PCDHGA5: variants seen among roughly 807,000 people sequenced by gnomAD.
The protein encoded by PCDHGA5 is protocadherin gamma-A5.
Under a neutral mutation model 56.7 loss-of-function variants are expected in PCDHGA5, and 36 were observed. The ratio of observed to expected loss-of-function variants is 0.64; its 90% CI spans 0.49 to 0.84. The LOEUF is 0.84. Among genes scored for constraint, PCDHGA5 ranks in the 40% least tolerant of loss-of-function variants. The pLI, the probability that PCDHGA5 is intolerant of heterozygous loss-of-function variation, is 0.00. For missense variants in PCDHGA5, 1,305 were observed against 1,201.5 expected (o/e 1.09, Z -1.27); for synonymous variants, 563 against 520.2 (o/e 1.08, Z -1.12).
At chr5:141,414,930 C>A (rs561548499) in intron 1 of PCDHGA5, 1 of 1,614,156 alleles carries the variant, frequency 6.2e-7, no homozygotes, top group South Asian at 1.1e-5. Flanking sequence ...CGCCCCGCTC[C>A]GCAGAGCCCG....
intron 1 of PCDHGA5, chr5:141,419,136 A>G: frequency 1.9e-6 from 3 of 1,613,918 alleles, no homozygotes; most frequent in Non-Finnish European, 1.7e-6. Context: ...GCAGCCACAG[A>G]CAGGGGCAAG....
chr5:141,372,494 A>C, intron 1 of PCDHGA5: 2 of 1,613,974 alleles, frequency 1.2e-6, no homozygotes, highest in Middle Eastern at 1.6e-4. Context: ...CCTTGATCTC[A>C]GTGCTCTTCC....
intron 1 of PCDHGA5, chr5:141,371,248 G>A (rs1561550190): frequency 6.2e-7 from 1 of 1,614,024 alleles, no homozygotes; most frequent in Admixed American, 1.7e-5. Context: ...ATCAATATTG[G>A]CAAGGAAGTG....
At chr5:141,478,519 G>A in intron 1 of PCDHGA5, 2 of 1,610,728 alleles carry the variant, frequency 1.2e-6, no homozygotes, top group Non-Finnish European at 1.7e-6. Context: ...GGCAGGTGTT[G>A]GGTGCAGAGA....
At chr5:141,452,016 A>G (rs988436326) in intron 1 of PCDHGA5, among the ~76,000 whole-genome samples, 5 of 152,084 alleles carry the variant, frequency 3.3e-5, no homozygotes, top group Non-Finnish European at 5.9e-5. Flanking sequence ...TCCAGCCCAC[A>G]CTCTGGGGAG....
Position 141,431,473 on chromosome 5 carries a change from C to G in PCDHGA5, c.2422-63334C>G, listed in dbSNP as rs750300971. ...TGATGGTTCTGGATGCGAACGACAA[C>G]GCACCAGCGTTTGCTCAGCCCGAGT... On this transcript the variant is annotated intron_variant, in intron 1 of 3. Coordinates refer to ENST00000518069, the MANE Select transcript of PCDHGA5 (RefSeq NM_018918.3). This position sits in a 1 kb window ranked among gnomAD's most constrained non-coding sequence, Gnocchi z 4.8. 5.0e-6 allele frequency: 8 copies of G among 1,613,832 alleles called. No homozygotes were observed. The highest frequency in any genetic ancestry group is 1.7e-5 in the Admixed American group (1 of 60,026).
intron 1 of PCDHGA5, chr5:141,370,629 C>G: frequency 6.2e-7 from 1 of 1,613,860 alleles, no homozygotes; most frequent in Non-Finnish European, 8.5e-7. Flanking sequence ...TACCGTGAGC[C>G]CCGAAAATGG....
intron 1 of PCDHGA5, chr5:141,423,468 A>G (rs1474468597): frequency 6.2e-7 from 1 of 1,613,960 alleles, no homozygotes; most frequent in Admixed American, 1.7e-5. Flanking sequence ...TGGACGGGGT[A>G]CAGGCTTTCC....
chr5:141,475,388 G>C (rs1230010845), intron 1 of PCDHGA5, among the ~76,000 whole-genome samples: 8 of 152,170 alleles, frequency 5.3e-5, no homozygotes, highest in Non-Finnish European at 1.0e-4. Flanking sequence ...AATTTTATAA[G>C]CCAGAGTTAA....
At chr5:141,408,271 T>A in intron 1 of PCDHGA5, 23 of 1,610,976 alleles carry the variant, frequency 1.4e-5, no homozygotes, top group Non-Finnish European at 1.9e-5. Context: ...TGCTGCTGCC[T>A]TTGTTCTACC....
intron 1 of PCDHGA5, chr5:141,417,635 G>C (rs1195744332): frequency 1.4e-6 from 1 of 724,902 alleles, no homozygotes; most frequent in Non-Finnish European, 2.1e-6. Flanking sequence ...CTGACGCCGG[G>C]GATCCCTCAG....
chr5:141,373,678 A>G (rs4151698), intron 1 of PCDHGA5, among the ~76,000 whole-genome samples: 17,665 of 152,222 alleles, frequency 0.12, 1,184 homozygotes, highest in African/African-American at 0.18. Flanking sequence ...TGAATGGTAA[A>G]CTTCAGAGAA....
intron 1 of PCDHGA5, chr5:141,408,159 C>T (rs1408291996): frequency 3.9e-5 from 59 of 1,516,228 alleles, no homozygotes; most frequent in Non-Finnish European, 5.2e-5. Context: ...AGTGCACTTT[C>T]TCCAACTGGA....
At chr5:141,389,813 C>T (rs575968401) in intron 1 of PCDHGA5, 18 of 1,613,844 alleles carry the variant, frequency 1.1e-5, no homozygotes, top group South Asian at 2.2e-5. Flanking sequence ...TTCTGGTCGC[C>T]GTGCGTGACG....
chr5:141,420,840 TC>T (rs1453160032), intron 1 of PCDHGA5, among the ~76,000 whole-genome samples: 1 of 152,250 alleles, frequency 6.6e-6, no homozygotes, highest in Admixed American at 6.5e-5. Flanking sequence ...TCGCAGGTGT[TC>T]TTGGTAAAGT....
Position 141,408,609 on chromosome 5 carries a change from A to T in PCDHGA5, c.2421+41858A>T, listed in dbSNP as rs765291231. 3 of 1,613,970 alleles carry T rather than the reference A, an allele frequency of 1.9e-6. No homozygotes were observed. The highest frequency in any genetic ancestry group is 2.5e-6 in the Non-Finnish European group (3 of 1,179,916). On this transcript the variant is annotated intron_variant, in intron 1 of 3. Coordinates refer to ENST00000518069, the MANE Select transcript of PCDHGA5 (RefSeq NM_018918.3). ...GACCACGCCCCTCAATTTGATAAAA[A>T]GGAAATACATTTAGAAATTTTCGAA...
At chr5:141,415,740 G>GTTTTTTTTTTTTTTTTTTGTTTTTTTTT in intron 1 of PCDHGA5, 1 of 617,992 alleles carries the variant, frequency 1.6e-6, no homozygotes, top group Non-Finnish European at 2.1e-6. Flanking sequence ...GTTTATTAAG[G>GTTTTTTTTTTTTTTTTTTGTTTTTTTTT]TTTTTTTTTT....
rs775284049 is a variant in PCDHGA5 at position 141,431,448 on chromosome 5, T to C, written c.2422-63359T>C. On this transcript the variant is annotated intron_variant, in intron 1 of 3. Coordinates refer to ENST00000518069, the MANE Select transcript of PCDHGA5 (RefSeq NM_018918.3). The surrounding 1 kb of genome is among the most constrained non-coding windows in gnomAD (Gnocchi z 4.8). ...CGCACAGGCACCGCGCGCATCCGCG[T>C]GATGGTTCTGGATGCGAACGACAAC... 2.5e-6 allele frequency: 4 copies of C among 1,613,706 alleles called. No individual in the cohort carries two copies. The South Asian group carries it at 4.4e-5, about 18-fold the overall frequency.
At chr5:141,478,576 G>A (rs543160289) in intron 1 of PCDHGA5, 1 of 1,585,480 alleles carries the variant, frequency 6.3e-7, no homozygotes, top group Non-Finnish European at 8.6e-7. Flanking sequence ...GCTTGACCCT[G>A]TTAGTGCTTT....
Sources: gnomAD v4.1 joint callset for allele counts (sites outside exome capture counted in the v4.1 genomes callset) on GRCh38, gnomAD v4.1.1 for gene constraint, Gnocchi (gnomAD v3.1) non-coding constraint, MANE v1.5 for transcripts, NCBI Gene and HGNC (gene_info 2026-07-23, HGNC 2026-07-21) for gene names.